PTBP2: variants seen among roughly 807,000 people sequenced by gnomAD.
The protein encoded by PTBP2 is polypyrimidine tract binding protein 2.
PTBP2 carries 13 observed loss-of-function variants against 61.4 expected under a neutral mutation model. The observed-to-expected ratio is 0.21, with a 90% CI of 0.14 to 0.34. The LOEUF is 0.34. Ranked by LOEUF, PTBP2 falls within the 10% of genes least tolerant of loss-of-function variation. The pLI, the probability that PTBP2 is intolerant of heterozygous loss-of-function variation, is 1.00. For synonymous variants in PTBP2, 215 were observed against 218.5 expected (o/e 0.98, Z 0.14); for missense variants, 405 against 642.6 (o/e 0.63, Z 4.00).
chr1:96,743,853 C>T (rs1653382460), intron 2 of PTBP2, among the ~76,000 whole-genome samples: 1 of 151,928 alleles, frequency 6.6e-6, no homozygotes, highest in South Asian at 2.1e-4. Context: ...TGCTAAGCAG[C>T]TTGTATGGTG....
At chr1:96,780,125 T>C (rs1034225545) in intron 7 of PTBP2, among the ~76,000 whole-genome samples, 1 of 152,044 alleles carries the variant, frequency 6.6e-6, no homozygotes, top group Non-Finnish European at 1.5e-5. Context: ...GTCTTTCTCT[T>C]TTAATAAAAG....
intron 8 of PTBP2, among the ~76,000 whole-genome samples, chr1:96,793,034 AT>A (rs1453379907): frequency 6.6e-6 from 1 of 152,196 alleles, no homozygotes; most frequent in Non-Finnish European, 1.5e-5. Context: ...AAACTAAAAA[AT>A]ACATGTAAAT....
downstream of PTBP2, chr1:96,819,590 T>G (rs1662608251): frequency 6.6e-6 from 1 of 152,002 alleles, no homozygotes; most frequent in South Asian, 2.1e-4. Flanking sequence ...TTGTGGTTAT[T>G]GAGTTGATAA....
chr1:96,739,911 AC>A (rs1162180014), intron 2 of PTBP2, among the ~76,000 whole-genome samples: 1 of 151,980 alleles, frequency 6.6e-6, no homozygotes, highest in African/African-American at 2.4e-5. Flanking sequence ...GGCCTGAGCC[AC>A]CGCGCCTGGC....
intron 3 of PTBP2, among the ~76,000 whole-genome samples, chr1:96,760,334 C>G (rs1162892271): frequency 3.3e-5 from 5 of 151,156 alleles, no homozygotes; most frequent in African/African-American, 1.2e-4. Context: ...TTTACACCAA[C>G]TAGAATGGCT....
chr1:96,734,178 A>T (rs139128189), intron 2 of PTBP2, among the ~76,000 whole-genome samples: 2 of 152,192 alleles, frequency 1.3e-5, no homozygotes, highest in Non-Finnish European at 2.9e-5. Context: ...ACCATTGTGT[A>T]TCTATCATTC....
chr1:96,757,307 A>C (rs1655270680), intron 3 of PTBP2, among the ~76,000 whole-genome samples: 1 of 151,144 alleles, frequency 6.6e-6, no homozygotes, highest in African/African-American at 2.5e-5. Flanking sequence ...GAAAGTTGAT[A>C]TGATTATATT....
chr1:96,799,009 T>C (rs910943851), intron 8 of PTBP2, among the ~76,000 whole-genome samples: 1 of 152,152 alleles, frequency 6.6e-6, no homozygotes, highest in East Asian at 1.9e-4. Context: ...AAAGAATAGA[T>C]ACATAATTTA....
intron 3 of PTBP2, among the ~76,000 whole-genome samples, chr1:96,752,318 A>G (rs2100916616): frequency 6.6e-6 from 1 of 152,248 alleles, no homozygotes; most frequent in African/African-American, 2.4e-5. Context: ...TTAACTTTGA[A>G]TTATTTGCTT....
intron 3 of PTBP2, 66 bp from the exon 4 acceptor site, chr1:96,769,637 C>G (rs1657158623): frequency 8.4e-7 from 1 of 1,195,306 alleles, no homozygotes; most frequent in South Asian, 2.7e-5. Context: ...TTTTTTTACA[C>G]AAATAGGAAA....
exon 14 of PTBP2, chr1:96,820,347 A>T (rs1031680723): frequency 1.3e-5 from 2 of 152,134 alleles, no homozygotes; most frequent in Admixed American, 6.5e-5. Flanking sequence ...ACAGAACCAC[A>T]GTACAGCTGG....
intron 2 of PTBP2, among the ~76,000 whole-genome samples, chr1:96,725,425 G>T (rs1320475427): frequency 6.7e-6 from 1 of 149,642 alleles, no homozygotes; most frequent in South Asian, 2.2e-4. Context: ...TCAGCCTCCC[G>T]AGTAGCTGGG....
At chr1:96,793,136 G>T (rs2101113060) in intron 8 of PTBP2, among the ~76,000 whole-genome samples, 1 of 152,192 alleles carries the variant, frequency 6.6e-6, no homozygotes. Flanking sequence ...CATAACTTCG[G>T]CTTTCTCATT....
chr1:96,798,490 G>A (rs1248403604), intron 8 of PTBP2, among the ~76,000 whole-genome samples: 3 of 152,152 alleles, frequency 2.0e-5, no homozygotes, highest in Admixed American at 1.3e-4. Context: ...TAATAACTAC[G>A]AGATGTTATG....
intron 3 of PTBP2, among the ~76,000 whole-genome samples, chr1:96,761,182 A>G (rs115582744): frequency 0.019 from 2,823 of 152,322 alleles, 87 homozygotes; most frequent in African/African-American, 0.064. Flanking sequence ...GAAACGTCCT[A>G]TGTTAATAAA....
intron 11 of PTBP2, among the ~76,000 whole-genome samples, chr1:96,807,394 T>A (rs897563735): frequency 1.3e-5 from 2 of 152,206 alleles, no homozygotes; most frequent in African/African-American, 4.8e-5. Context: ...CTAAAAACAC[T>A]GTTGTTAATC....
At chr1:96,754,783 A>G (rs926123598) in intron 3 of PTBP2, among the ~76,000 whole-genome samples, 5 of 152,190 alleles carry the variant, frequency 3.3e-5, no homozygotes, top group Non-Finnish European at 7.4e-5. Flanking sequence ...AAAGGGTGCT[A>G]CAGCAGTTGG....
intron 3 of PTBP2, among the ~76,000 whole-genome samples, chr1:96,768,788 A>T (rs1301330724): frequency 1.3e-5 from 2 of 152,054 alleles, no homozygotes; most frequent in East Asian, 3.8e-4. Context: ...TGATGTTAAT[A>T]GTCACAAAAT....
At position 96,722,357 on chromosome 1, in the gene PTBP2, C is replaced by G. The variant is rs551818884; in HGVS notation, c.8+485C>G. Among the ~76,000 whole-genome samples the G allele has an allele frequency of 3.9e-5, 6 of 152,150 alleles. No homozygotes were observed. The East Asian group carries it at 1.2e-3, about 30-fold the overall frequency. ...TGTGGACCCCAGCCATGAGCAACCT[C>G]TCCGGCCTCGCCCGGCCCTCCGTGG... On this transcript the variant is annotated intron_variant, in intron 1 of 13. Transcript: ENST00000674951.
Sources: gnomAD v4.1 joint callset for allele counts (sites outside exome capture counted in the v4.1 genomes callset) on GRCh38, gnomAD v4.1.1 for gene constraint, MANE v1.5 for transcripts, NCBI Gene and HGNC (gene_info 2026-07-23, HGNC 2026-07-21) for gene names.